RYR3: variants seen among roughly 807,000 people sequenced by gnomAD.
RYR3 encodes ryanodine receptor 3, also known as brain ryanodine receptor-calcium release channel.
Under a neutral mutation model 584.3 loss-of-function variants are expected in RYR3, and 207 were observed. The observed-to-expected ratio is 0.35, with a 90% CI of 0.32 to 0.40. The LOEUF (loss-of-function observed/expected upper bound fraction) is 0.40. Ranked by LOEUF, RYR3 falls within the 10% of genes least tolerant of loss-of-function variation. The pLI is 1.00. For synonymous variants in RYR3, 2,416 were observed against 2,248.5 expected, an observed-to-expected ratio of 1.07 and a Z score of -2.11; for missense variants, 5,616 against 6,089.2, an observed-to-expected ratio of 0.92 and a Z score of 2.59.
At chr15:33,851,014 C>T (rs2079072020) in intron 94 of RYR3, 1 of 152,108 alleles carries the variant, frequency 6.6e-6, no homozygotes, top group East Asian at 1.9e-4. Context: ...ATACATTATA[C>T]TGTCACTTGA....
At position 33,670,540 on chromosome 15, in the gene RYR3, G is replaced by A. The variant is rs1302749240; in HGVS notation, c.5844G>A (p.Glu1948=). The part of the protein sequence containing the change: ...PKPEKEQPTE[E]EERCPTTLKE... Reference sequence around the variant, plus strand: ...CAGAGAAGGAGCAGCCGACGGAGGAGGAGGAGAGATGCCCCAGTAAGTGAC... The same window carrying A: ...CAGAGAAGGAGCAGCCGACGGAGGAAGAGGAGAGATGCCCCAGTAAGTGAC... The change falls in exon 38 of 104, where the codon GAG becomes GAA. Residue 1948 remains glutamate (E), a synonymous_variant. Coordinates refer to ENST00000634891, the MANE Select transcript of RYR3 (RefSeq NM_001036.6). 1 of 1,584,596 alleles carries A rather than the reference G, an allele frequency of 6.3e-7. No homozygotes were observed. The highest frequency in any genetic ancestry group is 1.4e-5 in the African/African-American group (1 of 73,152).
chr15:33,318,155 C>A (rs575997047), intron 1 of RYR3, among the ~76,000 whole-genome samples: 2 of 152,328 alleles, frequency 1.3e-5, no homozygotes, highest in East Asian at 3.9e-4. Flanking sequence ...GGAGACAGAG[C>A]TGCTGCTGCC....
chr15:33,577,403 C>G (rs1244479156), intron 12 of RYR3, among the ~76,000 whole-genome samples: 2 of 152,146 alleles, frequency 1.3e-5, no homozygotes, highest in South Asian at 4.1e-4. Context: ...CAGCATGATA[C>G]TGATACAAAA....
rs989469004 is a variant in RYR3, at chr15:33,624,324, T to G, written c.2574+301T>G. On this transcript the variant is annotated intron_variant, in intron 20 of 103. Transcript: ENST00000634891. ...AAGATGTAAGAAGCAAATGTATTAT[T>G]TTTTTAAAAGGCCAAATGTAATAAA... Among the ~76,000 whole-genome samples the G allele has an allele frequency of 4.6e-5, 7 of 152,312 alleles. No homozygotes were observed. In the East Asian group the frequency reaches 1.3e-3, roughly 29 times the overall value.
intron 67 of RYR3, among the ~76,000 whole-genome samples, chr15:33,789,986 C>CTTGTTTT (rs2075050645): frequency 1.9e-5 from 1 of 53,254 alleles, no homozygotes; most frequent in African/African-American, 1.1e-4. Context: ...GCCTGGCCTT[C>CTTGTTTT]TTTTTTTTTT....
At chr15:33,497,707 C>G (rs925451070) in intron 2 of RYR3, among the ~76,000 whole-genome samples, 4 of 152,148 alleles carry the variant, frequency 2.6e-5, no homozygotes, top group Admixed American at 6.5e-5. Flanking sequence ...AAACCTTTAT[C>G]ATTTCTTTGT....
At chr15:33,609,252 C>T (rs962202565) in intron 18 of RYR3, among the ~76,000 whole-genome samples, 2 of 152,218 alleles carry the variant, frequency 1.3e-5, no homozygotes, top group African/African-American at 4.8e-5. Context: ...TGGTCTTCCT[C>T]AGTTCACAAA....
rs368423689 is a variant in RYR3 at position 33,550,441 on chromosome 15, A to G, written c.972+125A>G. ...AGTGAAATTGGAAATTTGCCCTAAG[A>G]TAGATAAACACTTTCTTCTTTTATC... is the stretch of plus-strand genomic sequence containing the variant. On this transcript the variant is annotated intron_variant, in intron 10 of 103. Transcript: ENST00000634891. The G allele has an allele frequency of 1.1e-3, 899 of 834,482 alleles. 8 individuals are homozygous for G. In the African/African-American group the frequency reaches 0.014, roughly 13 times the overall value. 51.7% of individuals were successfully genotyped at this position (834,482 alleles called of 1,614,324 possible).
intron 101 of RYR3, 62 bp downstream of exon 101, chr15:33,860,721 T>A (rs529498013): frequency 1.6e-6 from 2 of 1,238,550 alleles, no homozygotes; most frequent in African/African-American, 1.6e-5. Flanking sequence ...CAAATAGATT[T>A]TTTAAACAAT....
At chr15:33,696,105 A>G (rs1309720358) in intron 38 of RYR3, 113 bp from the exon 39 acceptor site, 4 of 1,049,920 alleles carry the variant, frequency 3.8e-6, no homozygotes, top group Non-Finnish European at 5.5e-6. Flanking sequence ...TATAATAAGA[A>G]TTTTGTAACC....
chr15:33,325,330 C>G (rs1969529284), intron 1 of RYR3, among the ~76,000 whole-genome samples: 1 of 152,138 alleles, frequency 6.6e-6, no homozygotes, highest in Admixed American at 6.5e-5. Context: ...TGTGTACTTG[C>G]CGATTAGGAG....
chr15:33,733,972 CA>C (rs1319857613), intron 48 of RYR3, among the ~76,000 whole-genome samples: 1 of 152,140 alleles, frequency 6.6e-6, no homozygotes. Flanking sequence ...TCAAATATAA[CA>C]ATGATCACTA....
intron 43 of RYR3, among the ~76,000 whole-genome samples, chr15:33,708,324 C>T (rs1362028082): frequency 6.6e-6 from 1 of 152,126 alleles, no homozygotes; most frequent in Non-Finnish European, 1.5e-5. Flanking sequence ...AAGGCAGAAC[C>T]AATTTATTCA....
At chr15:33,450,577 C>T (rs1329290359) in intron 1 of RYR3, among the ~76,000 whole-genome samples, 5 of 151,734 alleles carry the variant, frequency 3.3e-5, no homozygotes, top group Admixed American at 6.6e-5. Context: ...TCCTTGCACC[C>T]TCTGTTCTTG....
intron 67 of RYR3, among the ~76,000 whole-genome samples, chr15:33,792,651 C>T (rs1251382176): frequency 6.6e-6 from 1 of 152,082 alleles, no homozygotes; most frequent in Non-Finnish European, 1.5e-5. Flanking sequence ...GTTTGGTGCA[C>T]AAAATTTAGC....
At chr15:33,632,527 T>C (rs923410678) in intron 23 of RYR3, among the ~76,000 whole-genome samples, 2 of 152,236 alleles carry the variant, frequency 1.3e-5, no homozygotes, top group Non-Finnish European at 2.9e-5. Flanking sequence ...GAGTGATTAT[T>C]CTGTGCTGAT....
At chr15:33,600,814 G>A (rs56074690) in intron 16 of RYR3, among the ~76,000 whole-genome samples, 32,145 of 152,052 alleles carry the variant, frequency 0.21, 4,094 homozygotes, top group South Asian at 0.3. Flanking sequence ...AGCTTGCTAC[G>A]TGCAAGACCT....
At chr15:33,630,228 T>C (rs1428603159) in intron 22 of RYR3, among the ~76,000 whole-genome samples, 185 bp downstream of exon 22, 1 of 152,182 alleles carries the variant, frequency 6.6e-6, no homozygotes, top group African/African-American at 2.4e-5. Flanking sequence ...ATTGACTATA[T>C]TTCTTAAACC....
At chr15:33,387,268 T>C (rs1435491601) in intron 1 of RYR3, among the ~76,000 whole-genome samples, 2 of 152,238 alleles carry the variant, frequency 1.3e-5, no homozygotes, top group African/African-American at 4.8e-5. Context: ...TTTTGGTTAT[T>C]GTGAATAGTG....
Sources: allele counts gnomAD v4.1 joint callset (sites outside exome capture counted in the v4.1 genomes callset), GRCh38; gene constraint gnomAD v4.1.1; transcripts MANE v1.5; gene names NCBI Gene and HGNC (gene_info 2026-07-23, HGNC 2026-07-21).